Variants in NDFIP2 observed in about 807,000 individuals in gnomAD.
The protein encoded by NDFIP2 is Nedd4 family interacting protein 2.
A neutral mutation model predicts 36.0 loss-of-function variants in NDFIP2; 19 were observed. The observed-to-expected ratio is 0.53, with a 90% CI of 0.37 to 0.77. The LOEUF is 0.77. NDFIP2 is among the 30% of genes least tolerant of loss of function. The pLI is 0.00. For missense variants in NDFIP2, 446 were observed against 435.8 expected, an observed-to-expected ratio of 1.02 and a Z score of -0.21; for synonymous variants, 181 against 167.7, an observed-to-expected ratio of 1.08 and a Z score of -0.61.
rs573536446 is a variant in NDFIP2, at chr13:79,519,472, A to G, written c.322-1338A>G. ...CAATTCGTGAGGAATGGCCATTTCA[A>G]AGTTTACCATAAATGAAGTAAAACG... On this transcript the variant is annotated intron_variant, in intron 1 of 7. Transcript: ENST00000218652. Among the ~76,000 whole-genome samples, 3 of 152,338 alleles carry G rather than the reference A, an allele frequency of 2.0e-5. No individual in the cohort carries two copies. In the East Asian group the frequency reaches 5.8e-4, roughly 29 times the overall value.
rs561227113 is a variant in NDFIP2, at chr13:79,554,270, T to A, written c.*1757T>A. 2 of 151,908 alleles carry A rather than the reference T, an allele frequency of 1.3e-5. No individual in the cohort carries two copies. The highest frequency in any genetic ancestry group is 4.8e-5 in the African/African-American group (2 of 41,548). The allele number at this position is 151,908 out of a possible 1,614,324, so 9.4% of individuals were successfully genotyped here. On this transcript the variant is annotated 3_prime_UTR_variant, in exon 8 of 8. Transcript: ENST00000218652. ...GCCTAATTTGGAAGTTAATTAAAAT[T>A]AAACTGTACTAATAACATATTCAAA... is the stretch of plus-strand genomic sequence containing the variant.
chr13:79,515,290 T>A (rs1382661652), intron 1 of NDFIP2, among the ~76,000 whole-genome samples: 1 of 152,214 alleles, frequency 6.6e-6, no homozygotes, highest in Non-Finnish European at 1.5e-5. Flanking sequence ...CATACAACTG[T>A]ACAGATATGT....
At chr13:79,522,416 T>G (rs548501170) in intron 2 of NDFIP2, among the ~76,000 whole-genome samples, 40 of 152,342 alleles carry the variant, frequency 2.6e-4, no homozygotes, top group African/African-American at 9.6e-4. Context: ...GTCTGAGTAA[T>G]GAAAGATACT....
At chr13:79,506,925 G>A (rs1233306799) in intron 1 of NDFIP2, among the ~76,000 whole-genome samples, 2 of 152,006 alleles carry the variant, frequency 1.3e-5, no homozygotes, top group Non-Finnish European at 2.9e-5. Context: ...AAAATCTTAG[G>A]TTCTGTAAGA....
intron 1 of NDFIP2, among the ~76,000 whole-genome samples, chr13:79,504,647 G>A (rs9574433): frequency 0.084 from 11,340 of 134,446 alleles, 668 homozygotes; most frequent in East Asian, 0.19. Context: ...TTTTTTTTTT[G>A]TCTTTCATTA....
chr13:79,510,869 C>T (rs1224109896), intron 1 of NDFIP2, among the ~76,000 whole-genome samples: 2 of 151,854 alleles, frequency 1.3e-5, no homozygotes, highest in Admixed American at 6.6e-5. Flanking sequence ...TCTGGTGGCA[C>T]ACACCTGTAA....
intron 1 of NDFIP2, among the ~76,000 whole-genome samples, chr13:79,496,435 C>T (rs187229188): frequency 6.6e-6 from 1 of 151,818 alleles, no homozygotes; most frequent in African/African-American, 2.4e-5. Context: ...CACAGTTTCT[C>T]TATATATATT....
chr13:79,512,971 T>C (rs1233526846), intron 1 of NDFIP2, among the ~76,000 whole-genome samples: 1 of 152,226 alleles, frequency 6.6e-6, no homozygotes, highest in Non-Finnish European at 1.5e-5. Flanking sequence ...TGTCATTTTA[T>C]TAAAACATAA....
Position 79,485,552 on chromosome 13 carries a change from G to A in NDFIP2, c.321+4028G>A, listed in dbSNP as rs931169175. Among the ~76,000 whole-genome samples the A allele has an allele frequency of 9.9e-5, 15 of 152,248 alleles. No individual in the cohort carries two copies. In the East Asian group the frequency reaches 2.3e-3, roughly 23 times the overall value. On this transcript the variant is annotated intron_variant, in intron 1 of 7. Transcript: ENST00000218652. ...CTCTAGTTGTCACCTTTTCTTGCCA[G>A]CCTTATTCCTTTGATCGTCTCTTGT...
At chr13:79,500,249 T>G (rs1873606354) in intron 1 of NDFIP2, among the ~76,000 whole-genome samples, 1 of 149,490 alleles carries the variant, frequency 6.7e-6, no homozygotes, top group Non-Finnish European at 1.5e-5. Flanking sequence ...CAGATCTAAA[T>G]GTAAAAGGCA....
At chr13:79,520,039 G>A (rs192783972) in intron 1 of NDFIP2, among the ~76,000 whole-genome samples, 2 of 152,280 alleles carry the variant, frequency 1.3e-5, no homozygotes, top group East Asian at 3.9e-4. Flanking sequence ...GGCCTCAAGT[G>A]ATCCACCCAC....
Position 79,553,874 on chromosome 13 carries a change from A to T in NDFIP2, c.*1361A>T, listed in dbSNP as rs1876002187. The T allele has an allele frequency of 6.6e-6, 1 of 152,006 alleles. No individual in the cohort carries two copies. The highest frequency in any genetic ancestry group is 2.4e-5 in the African/African-American group (1 of 41,406). 9.4% of individuals were successfully genotyped at this position (152,006 alleles called of 1,614,324 possible). ...CCAACATTTAAAATGATGGTATTTT[A>T]TCTTTTAAACTTAAAAATTATTTAA... On this transcript the variant is annotated 3_prime_UTR_variant, in exon 8 of 8. Coordinates refer to ENST00000218652, the MANE Select transcript of NDFIP2 (RefSeq NM_019080.3).
chr13:79,486,079 A>T (rs1187543834), intron 1 of NDFIP2, among the ~76,000 whole-genome samples: 1 of 152,156 alleles, frequency 6.6e-6, no homozygotes, highest in African/African-American at 2.4e-5. Context: ...ACTTTGTTTC[A>T]TGCACATATA....
chr13:79,500,927 G>A (rs539339332), intron 1 of NDFIP2, among the ~76,000 whole-genome samples: 1 of 152,148 alleles, frequency 6.6e-6, no homozygotes, highest in African/African-American at 2.4e-5. Flanking sequence ...TAAGATGGCC[G>A]TGAATAGGTG....
chr13:79,526,255 A>G (rs1300366612), intron 2 of NDFIP2, among the ~76,000 whole-genome samples: 4 of 152,204 alleles, frequency 2.6e-5, no homozygotes, highest in Admixed American at 1.3e-4. Context: ...GAAGATCAAA[A>G]TGTTATTTTT....
At position 79,498,289 on chromosome 13, in the gene NDFIP2, G is replaced by C. The variant is rs111336160; in HGVS notation, c.321+16765G>C. On this transcript the variant is annotated intron_variant, in intron 1 of 7. Transcript: ENST00000218652. ...ATTTTTACTAGGAAATGCTAGTCAT[G>C]TTGTTTTCTTTAAAAACCTCAGTAT... Among the ~76,000 whole-genome samples, 9 of 151,964 alleles carry C rather than the reference G, an allele frequency of 5.9e-5. 2 individuals carry two copies. Among genetic ancestry groups the C allele is most frequent in the African/African-American group, 2.2e-4 (9 of 41,484 alleles).
chr13:79,520,517 C>G (rs1338671849), intron 1 of NDFIP2, among the ~76,000 whole-genome samples: 1 of 152,140 alleles, frequency 6.6e-6, no homozygotes, highest in African/African-American at 2.4e-5. Flanking sequence ...ACTTTAGGAT[C>G]ATATGAATTT....
At chr13:79,545,279 A>G (rs151018518) in intron 5 of NDFIP2, among the ~76,000 whole-genome samples, 343 of 152,330 alleles carry the variant, frequency 2.3e-3, no homozygotes, top group African/African-American at 7.9e-3. Flanking sequence ...CATCTTATAC[A>G]ACTTATGTCC....
chr13:79,533,569 G>T (rs1012910192), intron 3 of NDFIP2, 113 bp downstream of exon 3: 9 of 939,498 alleles, frequency 9.6e-6, no homozygotes, highest in Non-Finnish European at 1.2e-5. Flanking sequence ...GATTTTTTTT[G>T]AGCATTATGG....
Sources: gnomAD v4.1 joint callset for allele counts (sites outside exome capture counted in the v4.1 genomes callset) on GRCh38, gnomAD v4.1.1 for gene constraint, MANE v1.5 for transcripts, NCBI Gene and HGNC (gene_info 2026-07-23, HGNC 2026-07-21) for gene names.